The following ARFGEF3 variants were observed in gnomAD, a reference collection of about 807,000 sequenced individuals.
ARFGEF3 encodes the protein ARFGEF family member 3, also known as brefeldin A-inhibited guanine nucleotide-exchange protein 3.
ARFGEF3 carries 96 observed loss-of-function variants against 221.7 expected under a neutral mutation model. The ratio of observed to expected loss-of-function variants is 0.43; its 90% CI spans 0.37 to 0.51. The LOEUF is 0.51. Ranked by LOEUF, ARFGEF3 falls within the 20% of genes least tolerant of loss-of-function variation. The pLI, the probability that ARFGEF3 is intolerant of heterozygous loss-of-function variation, is 0.00. For missense variants in ARFGEF3, 2,410 were observed against 2,789.9 expected (o/e 0.86, Z 3.07); for synonymous variants, 1,145 against 1,126.8 (o/e 1.02, Z -0.32).
intron 2 of ARFGEF3, among the ~76,000 whole-genome samples, chr6:138,174,469 TAAAAAAAAAAAAA>T (rs35236693): frequency 2.3e-3 from 58 of 25,278 alleles, no homozygotes; most frequent in Admixed American, 0.013. Flanking sequence ...GAGCATCTGC[TAAAAAAAAAAAAA>T]AAAAAAAAAA....
chr6:138,251,833 G>A (rs1048955863), intron 8 of ARFGEF3, among the ~76,000 whole-genome samples: 3 of 152,010 alleles, frequency 2.0e-5, no homozygotes, highest in Non-Finnish European at 4.4e-5. Flanking sequence ...ATAGAACCTT[G>A]CGTTAAGGTA....
intron 2 of ARFGEF3, among the ~76,000 whole-genome samples, chr6:138,188,060 A>C (rs1022736860): frequency 6.6e-6 from 1 of 152,194 alleles, no homozygotes; most frequent in Non-Finnish European, 1.5e-5. Context: ...ATAATACTTG[A>C]GTATTTGTTT....
chr6:138,209,884 G>C lies in ARFGEF3; in HGVS notation c.220-26G>C, dbSNP rs573802241. The C allele has an allele frequency of 3.3e-5, 54 of 1,612,050 alleles. No homozygotes were observed. In the South Asian group the frequency reaches 6.0e-4, roughly 18 times the overall value. The stretch of plus-strand genomic sequence containing the variant: ...AGGCAGCAGGGGAGAGCCTATCTGT[G>C]ATCACTGCCTTGTGCCTCTTTACAG... On this transcript the variant is annotated intron_variant, in intron 3 of 33. Transcript: ENST00000251691.
In ARFGEF3 at chr6:138,290,196, G is replaced by A. The variant is rs115833250; in HGVS notation, c.3047+228G>A. 3.9e-3 allele frequency among the ~76,000 whole-genome samples: 591 copies of A among 152,294 alleles called. 2 individuals are homozygous for A. The highest frequency in any genetic ancestry group is 0.014 in the African/African-American group (574 of 41,556). The stretch of plus-strand genomic sequence containing the variant: ...GAACAGGGGACAGAACTGGGTCTGA[G>A]GAATTGTGACTTTTCTATTGACATT... On this transcript the variant is annotated intron_variant, in intron 18 of 33. Coordinates refer to ENST00000251691, the MANE Select transcript of ARFGEF3 (RefSeq NM_020340.5).
intron 12 of ARFGEF3, among the ~76,000 whole-genome samples, chr6:138,268,055 C>T (rs1778929291): frequency 6.6e-6 from 1 of 152,192 alleles, no homozygotes; most frequent in South Asian, 2.1e-4. Flanking sequence ...TGCTGTGGTT[C>T]AACTGGTGGC....
intron 5 of ARFGEF3, among the ~76,000 whole-genome samples, chr6:138,230,827 G>A (rs773315691): frequency 3.5e-4 from 53 of 152,262 alleles, no homozygotes; most frequent in African/African-American, 1.2e-3. Flanking sequence ...ACATTTGTAT[G>A]TATACTCTGT....
At chr6:138,296,563 C>G (rs17067366) in intron 20 of ARFGEF3, among the ~76,000 whole-genome samples, 4,686 of 152,178 alleles carry the variant, frequency 0.031, 230 homozygotes, top group African/African-American at 0.11. Context: ...CTCTTATCAT[C>G]AAGTTTTGAT....
At chr6:138,224,677 G>A (rs900417902) in intron 4 of ARFGEF3, among the ~76,000 whole-genome samples, 2 of 152,220 alleles carry the variant, frequency 1.3e-5, no homozygotes, top group East Asian at 1.9e-4. Context: ...GCAAGGTGCT[G>A]TAAACATGGC....
intron 2 of ARFGEF3, among the ~76,000 whole-genome samples, chr6:138,197,409 AATG>A (rs1359223201): frequency 1.3e-5 from 2 of 152,244 alleles, no homozygotes; most frequent in African/African-American, 4.8e-5. Flanking sequence ...GCTCTAAAAT[AATG>A]ATAAGAATAT....
intron 2 of ARFGEF3, among the ~76,000 whole-genome samples, chr6:138,201,367 C>G (rs1302599647): frequency 6.6e-6 from 1 of 152,206 alleles, no homozygotes; most frequent in African/African-American, 2.4e-5. Context: ...GATACTTGCA[C>G]ACACATGTTT....
chr6:138,313,281 T>A (rs1007058004), intron 25 of ARFGEF3, among the ~76,000 whole-genome samples: 2 of 152,210 alleles, frequency 1.3e-5, no homozygotes, highest in Non-Finnish European at 2.9e-5. Flanking sequence ...CCCAGGCCAC[T>A]CTGCTGGCTC....
At chr6:138,241,469 C>A (rs1006208417) in intron 6 of ARFGEF3, among the ~76,000 whole-genome samples, 1 of 152,208 alleles carries the variant, frequency 6.6e-6, no homozygotes, top group Admixed American at 6.5e-5. Context: ...ATGCCTTCCC[C>A]CTTCCTTTAA....
At chr6:138,219,649 G>A (rs1777941062) in intron 4 of ARFGEF3, among the ~76,000 whole-genome samples, 1 of 152,306 alleles carries the variant, frequency 6.6e-6, no homozygotes, top group Admixed American at 6.5e-5. Flanking sequence ...GAGTAGGTAG[G>A]AGAGGGAAAG....
rs763973112 is a variant in ARFGEF3 at position 138,307,344 on chromosome 6, A to G, written c.3920A>G (p.His1307Arg). The G allele has an allele frequency of 1.2e-6, 2 of 1,614,012 alleles. No individual in the cohort carries two copies. The highest frequency in any genetic ancestry group is 1.1e-5 in the South Asian group (1 of 91,076). ...RPLFSALETV[H>R]GGNKSEMKEY... is the part of the protein sequence containing the mutation. ...TTGTTCAGTGCCCTGGAAACAGTGC[A>G]TGGCGGGAACAAGTCAGAGATGAAG... The change falls in exon 23 of 34, where the codon CAT becomes CGT. Residue 1307 changes from histidine to arginine, a missense_variant. Around this residue, in one of 5 missense-constraint regions of ARFGEF3, gnomAD observed 723 missense variants for 991.9 expected, o/e 0.73. Coordinates refer to ENST00000251691, the MANE Select transcript of ARFGEF3 (RefSeq NM_020340.5).
intron 2 of ARFGEF3, among the ~76,000 whole-genome samples, chr6:138,188,242 T>C (rs1449598214): frequency 6.6e-6 from 1 of 152,140 alleles, no homozygotes; most frequent in Non-Finnish European, 1.5e-5. Flanking sequence ...CAGTGCTGTA[T>C]GTGCTCTTTG....
chr6:138,275,034 G>A (rs1197630036), intron 12 of ARFGEF3, among the ~76,000 whole-genome samples: 3 of 152,110 alleles, frequency 2.0e-5, no homozygotes, highest in East Asian at 3.9e-4. Flanking sequence ...TTGAACCCGG[G>A]AGGCAGAGGT....
At chr6:138,164,768 C>T (rs77212912) in intron 1 of ARFGEF3, among the ~76,000 whole-genome samples, 3,785 of 152,278 alleles carry the variant, frequency 0.025, 68 homozygotes, top group Middle Eastern at 0.037. Flanking sequence ...ACATGCTCTG[C>T]GTGGGTCTCC....
intron 14 of ARFGEF3, among the ~76,000 whole-genome samples, chr6:138,282,361 GGCATTGCTCTGT>G (rs1371987567): frequency 2.0e-5 from 3 of 152,178 alleles, no homozygotes; most frequent in African/African-American, 7.2e-5. Flanking sequence ...CACACAGCTC[GGCATTGCTCTGT>G]GCCCAGCAGG....
rs188472366 is a variant in ARFGEF3, at chr6:138,338,098, G to A, written c.*1612G>A. 120 of 152,262 alleles carry A rather than the reference G, an allele frequency of 7.9e-4. 1 individual carries two copies. The highest frequency in any genetic ancestry group is 2.8e-3 in the African/African-American group (116 of 41,558). 9.4% of individuals were successfully genotyped at this position (152,262 alleles called of 1,614,324 possible). On this transcript the variant is annotated 3_prime_UTR_variant, in exon 34 of 34. Transcript: ENST00000251691. ...AGTGTACCATCTAGAGATCACCACAGAATCCATTTTTTTCCCAGTTCCACA... is the reference window on the plus strand; with the variant it reads ...AGTGTACCATCTAGAGATCACCACAAAATCCATTTTTTTCCCAGTTCCACA...
Sources: allele counts gnomAD v4.1 joint callset (sites outside exome capture counted in the v4.1 genomes callset), GRCh38; gene constraint gnomAD v4.1.1; regional missense constraint gnomAD v4.1.1; transcripts MANE v1.5; gene names NCBI Gene and HGNC (gene_info 2026-07-23, HGNC 2026-07-21).